KCNA6: variants seen among roughly 807,000 people sequenced by gnomAD.
KCNA6 encodes the protein potassium voltage-gated channel subfamily A member 6, also known as human brain potassium channel-2.
A neutral mutation model predicts 29.5 loss-of-function variants in KCNA6; 17 were observed. The observed-to-expected ratio is 0.58, with a 90% CI of 0.39 to 0.86. The LOEUF is 0.86. Ranked by LOEUF, KCNA6 falls within the 40% of genes least tolerant of loss-of-function variation. The pLI is 0.00. For synonymous variants in KCNA6, 296 were observed against 304.7 expected (o/e 0.97, Z 0.30); for missense variants, 450 against 703.4 (o/e 0.64, Z 4.07).
At chr12:4,850,772 C>G in the KCNA6 span, 1 of 453,602 alleles carries the variant, frequency 2.2e-6, no homozygotes, top group South Asian at 1.6e-5. The surrounding 1 kb of genome is among the most constrained non-coding windows in gnomAD (Gnocchi z 5.4). Context: ...GCAAGGACAT[C>G]TATGCATAGA....
chr12:4,849,047 G>A, the KCNA6 span, among the ~76,000 whole-genome samples: 1 of 151,812 alleles, frequency 6.6e-6, no homozygotes, highest in Admixed American at 6.6e-5. Flanking sequence ...TTGAACCCCG[G>A]GAGTCGGAGG....
rs539459271 is a variant in KCNA6 at position 4,811,826 on chromosome 12, A to G, written c.*195A>G. ...TCCCTGCAGCATTCAAGGTTAATCC[A>G]TCTAAGTGACATTTTTGAAATTCCA... On this transcript the variant is annotated 3_prime_UTR_variant, in exon 1 of 1. Transcript: ENST00000280684. The surrounding 1 kb of genome is among the most constrained non-coding windows in gnomAD (Gnocchi z 7.1). The G allele has an allele frequency of 3.7e-5, 23 of 626,778 alleles. No individual in the cohort carries two copies. The East Asian group carries it at 4.0e-4, about 11-fold the overall frequency. 38.8% of individuals were successfully genotyped at this position (626,778 alleles called of 1,614,324 possible). A position where few individuals can be genotyped will look rare whatever the true frequency, so the allele number is the denominator to read the frequency against.
At chr12:4,822,667 C>T in the KCNA6 span, among the ~76,000 whole-genome samples, 1 of 152,168 alleles carries the variant, frequency 6.6e-6, no homozygotes, top group African/African-American at 2.4e-5. Context: ...ATTAGAGAAC[C>T]GCCTCCTGTT....
chr12:4,837,593 G>T, the KCNA6 span, among the ~76,000 whole-genome samples: 4 of 152,076 alleles, frequency 2.6e-5, no homozygotes, highest in Non-Finnish European at 5.9e-5. Context: ...GCATGTTGGT[G>T]GGGAGGAATC....
rs1214223876 is a variant in KCNA6, at chr12:4,810,277, C to G, written c.236C>G (p.Pro79Arg). ...GGCCGGCGAGTCCGCTTCTTCGACC[C>G]CCTGAGGAACGAGTACTTCTTCGAC... Residue 79 changes from proline to arginine, a missense_variant, in exon 1 of 1, where the codon CCC becomes CGC. Around this residue, in one of 7 missense-constraint regions of KCNA6, gnomAD observed 133 missense variants for 217.5 expected, o/e 0.61. Transcript: ENST00000280684. This position sits in a 1 kb window ranked among gnomAD's most constrained non-coding sequence, Gnocchi z 7.5. 1 of 1,613,950 alleles carries G rather than the reference C, an allele frequency of 6.2e-7. No homozygotes were observed. The highest frequency in any genetic ancestry group is 1.1e-5 in the South Asian group (1 of 91,090).
At chr12:4,819,446 G>A in the KCNA6 span, among the ~76,000 whole-genome samples, 36 of 152,178 alleles carry the variant, frequency 2.4e-4, no homozygotes, top group South Asian at 5.6e-3. Context: ...TCACCTTCAC[G>A]GCCCCCTTTG....
the KCNA6 span, among the ~76,000 whole-genome samples, chr12:4,846,167 G>A: frequency 5.8e-3 from 880 of 152,120 alleles, 5 homozygotes; most frequent in Non-Finnish European, 7.1e-3. Context: ...AGAAAGCAAA[G>A]GTGTCACTAT....
chr12:4,824,409 T>G, the KCNA6 span, among the ~76,000 whole-genome samples: 1 of 152,200 alleles, frequency 6.6e-6, no homozygotes, highest in Non-Finnish European at 1.5e-5. Context: ...ATTCAGGTAT[T>G]AAATCATCAA....
chr12:4,840,029 C>T, the KCNA6 span, among the ~76,000 whole-genome samples: 1 of 151,918 alleles, frequency 6.6e-6, no homozygotes, highest in Non-Finnish European at 1.5e-5. Context: ...AAACTTCCAT[C>T]ATGAAAAGTT....
the KCNA6 span, among the ~76,000 whole-genome samples, chr12:4,820,273 T>C: frequency 3.3e-5 from 5 of 152,070 alleles, no homozygotes; most frequent in African/African-American, 1.2e-4. Flanking sequence ...ATACTGGTAA[T>C]ATGTATATAT....
At position 4,811,564 on chromosome 12, in the gene KCNA6, G is replaced by C; in HGVS notation, c.1523G>C (p.Arg508Pro). The change falls in exon 1 of 1, where the codon CGG (arginine) becomes CCG (proline). Residue 508 changes from arginine (R) to proline (P), a missense_variant. Arg to Pro is a moderately radical substitution (Grantham distance 103, BLOSUM62 -2). Around this residue, in one of 7 missense-constraint regions of KCNA6, gnomAD observed 56 missense variants for 65.2 expected, o/e 0.86. Coordinates refer to ENST00000280684, the Ensembl canonical transcript of KCNA6. This position sits in a 1 kb window ranked among gnomAD's most constrained non-coding sequence, Gnocchi z 7.1. ...GACTTCCCCGAGGCTAACCGGGAAC[G>C]GAGACCCAGCTACCTTCCTACACCA... 1 of 1,614,224 alleles carries C rather than the reference G, an allele frequency of 6.2e-7. No homozygotes were observed.
chr12:4,813,397 T>A (rs1457424531), exon 1 of KCNA6: 1 of 167,120 alleles, frequency 6.0e-6, no homozygotes, highest in Non-Finnish European at 1.5e-5. Context: ...ATCTTAGTCA[T>A]GGATTTGATT....
chr12:4,845,786 G>A, the KCNA6 span, among the ~76,000 whole-genome samples: 69 of 151,870 alleles, frequency 4.5e-4, no homozygotes, highest in African/African-American at 1.6e-3. Flanking sequence ...AGGGTAAAAA[G>A]GTAAAACATT....
the KCNA6 span, among the ~76,000 whole-genome samples, chr12:4,837,302 A>G: frequency 2.0e-5 from 3 of 150,336 alleles, no homozygotes; most frequent in African/African-American, 7.3e-5. Context: ...CTTCATCACT[A>G]TCCTTTGTAA....
the KCNA6 span, among the ~76,000 whole-genome samples, chr12:4,829,784 G>A: frequency 1.3e-5 from 2 of 151,652 alleles, no homozygotes; most frequent in African/African-American, 2.4e-5. Context: ...TGATAATATC[G>A]CACCTATACA....
At chr12:4,821,169 G>A in the KCNA6 span, among the ~76,000 whole-genome samples, 2 of 152,176 alleles carry the variant, frequency 1.3e-5, no homozygotes, top group South Asian at 4.1e-4. Context: ...GGGTGAGGAG[G>A]AAGAACGTGT....
the KCNA6 span, among the ~76,000 whole-genome samples, chr12:4,844,368 T>G: frequency 3.9e-5 from 6 of 152,092 alleles, no homozygotes; most frequent in African/African-American, 1.4e-4. The surrounding 1 kb of genome is among the most constrained non-coding windows in gnomAD (Gnocchi z 4.0). Flanking sequence ...GCAGAGGTGA[T>G]GTAGGGAATG....
At chr12:4,816,253 T>G (rs1463099216), downstream of KCNA6, among the ~76,000 whole-genome samples, 1 of 10,672 alleles carries the variant, frequency 9.4e-5, no homozygotes, top group South Asian at 9.1e-3. Flanking sequence ...CGAACTGGTG[T>G]GTGTGTGTGT....
the KCNA6 span, among the ~76,000 whole-genome samples, chr12:4,827,203 TCCCTC>T: frequency 2.0e-5 from 1 of 49,938 alleles, no homozygotes; most frequent in Admixed American, 2.5e-4. Flanking sequence ...CTTCCTTCCT[TCCCTC>T]CTTCCTTCCT....
Sources: allele counts gnomAD v4.1 joint callset (sites outside exome capture counted in the v4.1 genomes callset), GRCh38; gene constraint gnomAD v4.1.1; regional missense constraint gnomAD v4.1.1; non-coding constraint Gnocchi (gnomAD v3.1); transcripts MANE v1.5; gene names NCBI Gene and HGNC (gene_info 2026-07-23, HGNC 2026-07-21).